MCPH1: variants seen among roughly 807,000 people sequenced by gnomAD.
MCPH1 encodes microcephalin.
In MCPH1, 104 loss-of-function variants were observed where a neutral mutation model predicts 84.5. That is an observed-to-expected ratio of 1.23 (90% CI 1.05 to 1.45). The LOEUF is 1.45. MCPH1 is among the 40% of genes most tolerant of loss of function. MCPH1 has a pLI of 0.00. For synonymous variants in MCPH1, 514 were observed against 366.8 expected (o/e 1.40, Z -4.58); for missense variants, 1,498 against 1,005.7 (o/e 1.49, Z -6.62).
intron 12 of MCPH1, among the ~76,000 whole-genome samples, chr8:6,569,374 G>A (rs1394567972): frequency 6.6e-6 from 1 of 152,142 alleles, no homozygotes; most frequent in East Asian, 1.9e-4. Flanking sequence ...GCAGTCTAGA[G>A]CCATTTTGCA....
At chr8:6,595,636 C>T (rs1190701794) in intron 12 of MCPH1, among the ~76,000 whole-genome samples, 1 of 152,122 alleles carries the variant, frequency 6.6e-6, no homozygotes, top group African/African-American at 2.4e-5. Context: ...TTCAGAGCAT[C>T]GTTCCAGCTG....
At chr8:6,565,218 T>A (rs968548605) in intron 12 of MCPH1, among the ~76,000 whole-genome samples, 2 of 152,216 alleles carry the variant, frequency 1.3e-5, no homozygotes, top group Non-Finnish European at 2.9e-5. Flanking sequence ...AGGATTAAGA[T>A]ATAATTGTAT....
intron 11 of MCPH1, among the ~76,000 whole-genome samples, chr8:6,496,363 A>G (rs1398938248): frequency 1.3e-5 from 2 of 152,150 alleles, no homozygotes; most frequent in African/African-American, 4.8e-5. Flanking sequence ...GGCTGTAAAT[A>G]CAGATGAGGC....
chr8:6,500,161 C>G lies in MCPH1; in HGVS notation c.2214+232C>G. 5.8e-6 allele frequency: 3 copies of G among 521,574 alleles called. No individual in the cohort carries two copies. In the South Asian group the frequency reaches 6.3e-5, roughly 11 times the overall value. The allele number at this position is 521,574 out of a possible 1,614,324, so 32.3% of individuals were successfully genotyped here. ...GGAATGCAGTCCAAAGAAAATTTGA[C>G]GATTAACATCCTCAGAACTGAGAAA... On this transcript the variant is annotated intron_variant, in intron 12 of 13. Transcript: ENST00000344683.
chr8:6,461,606 C>T (rs1444350113), intron 9 of MCPH1, among the ~76,000 whole-genome samples: 2 of 152,044 alleles, frequency 1.3e-5, no homozygotes, highest in East Asian at 3.9e-4. Flanking sequence ...TCCCAAAGTG[C>T]TGGGATTACA....
chr8:6,467,381 A>G (rs950746460), intron 9 of MCPH1, among the ~76,000 whole-genome samples: 1 of 152,162 alleles, frequency 6.6e-6, no homozygotes, highest in African/African-American at 2.4e-5. Flanking sequence ...ATTTTAAAGT[A>G]TATTTGCTAT....
chr8:6,514,226 G>A (rs1003548614), intron 12 of MCPH1, among the ~76,000 whole-genome samples: 3 of 152,316 alleles, frequency 2.0e-5, no homozygotes, highest in Middle Eastern at 6.8e-3. Context: ...GTCTTACTCT[G>A]TTGCCCAGGC....
chr8:6,576,488 C>T (rs1158803872), intron 12 of MCPH1, among the ~76,000 whole-genome samples: 2 of 139,314 alleles, frequency 1.4e-5, no homozygotes, highest in Non-Finnish European at 3.1e-5. Context: ...TTCCCGTTTC[C>T]TTTTCCCTTT....
intron 12 of MCPH1, among the ~76,000 whole-genome samples, chr8:6,509,980 A>G (rs766499733): frequency 2.0e-5 from 3 of 152,118 alleles, no homozygotes; most frequent in African/African-American, 4.8e-5. Context: ...CCAAATTTAA[A>G]TCCCAAAGTG....
intron 12 of MCPH1, among the ~76,000 whole-genome samples, chr8:6,542,618 T>C (rs1210782974): frequency 6.6e-6 from 1 of 151,908 alleles, no homozygotes; most frequent in African/African-American, 2.4e-5. Context: ...AAAAGTGCTG[T>C]CTGAGGAGCA....
intron 3 of MCPH1, among the ~76,000 whole-genome samples, chr8:6,430,604 G>T (rs1200757949): frequency 6.6e-6 from 1 of 152,140 alleles, no homozygotes. Context: ...ATGGATATGT[G>T]TTTTTTATTG....
chr8:6,446,954 A>G lies in MCPH1; in HGVS notation c.1825+1407A>G, dbSNP rs3021380. On this transcript the variant is annotated intron_variant, in intron 8 of 13. Transcript: ENST00000344683. ...GGGCCAGCACTAGTTGACTCAAGGCACCCTGGTGGGGACGGAGAGGTTTTT... is the reference window on the plus strand; with the variant it reads ...GGGCCAGCACTAGTTGACTCAAGGCGCCCTGGTGGGGACGGAGAGGTTTTT... The G allele has an allele frequency of 9.7e-3, 9,568 of 985,250 alleles. 504 individuals carry two copies. The African/African-American group carries it at 0.12, about 13-fold the overall frequency. The allele number at this position is 985,250 out of a possible 1,614,324, so 61.0% of individuals were successfully genotyped here. A position where few individuals can be genotyped will look rare whatever the true frequency, so the allele number is the denominator to read the frequency against.
chr8:6,488,228 T>C (rs1563276841), intron 11 of MCPH1, among the ~76,000 whole-genome samples: 2 of 152,224 alleles, frequency 1.3e-5, no homozygotes, highest in East Asian at 1.9e-4. Flanking sequence ...CCCTGTCTGC[T>C]GCTCCTGGCA....
intron 12 of MCPH1, among the ~76,000 whole-genome samples, chr8:6,522,295 C>T (rs1281220836): frequency 1.3e-5 from 2 of 151,732 alleles, no homozygotes; most frequent in Non-Finnish European, 2.9e-5. Context: ...GCGGAGCTTG[C>T]AGTGAGCTGA....
chr8:6,501,410 A>T (rs1477746404), intron 12 of MCPH1: 2 of 152,210 alleles, frequency 1.3e-5, no homozygotes, highest in African/African-American at 4.8e-5. Flanking sequence ...TATATGAGAA[A>T]TTGCCTTTAA....
At chr8:6,595,138 T>C (rs1252209284) in intron 12 of MCPH1, among the ~76,000 whole-genome samples, 1 of 152,144 alleles carries the variant, frequency 6.6e-6, no homozygotes, top group African/African-American at 2.4e-5. Context: ...CAGAGATGAT[T>C]GATTGATTCA....
intron 12 of MCPH1, among the ~76,000 whole-genome samples, chr8:6,517,373 C>T (rs1235633807): frequency 1.3e-5 from 2 of 152,140 alleles, no homozygotes; most frequent in African/African-American, 2.4e-5. Context: ...TAGAGACAAC[C>T]GTTAGGAGTC....
chr8:6,636,410 G>C (rs1204011204), intron 13 of MCPH1, among the ~76,000 whole-genome samples: 1 of 151,836 alleles, frequency 6.6e-6, no homozygotes, highest in Non-Finnish European at 1.5e-5. Flanking sequence ...ACATGGGGGT[G>C]AGGGCTGAGA....
chr8:6,611,517 G>A (rs1414849120), intron 12 of MCPH1, among the ~76,000 whole-genome samples: 5 of 152,230 alleles, frequency 3.3e-5, no homozygotes, highest in Admixed American at 1.3e-4. Flanking sequence ...CCGGGGCCGG[G>A]GAGCAGGGCA....
Sources: allele counts gnomAD v4.1 joint callset (sites outside exome capture counted in the v4.1 genomes callset), GRCh38; gene constraint gnomAD v4.1.1; transcripts MANE v1.5; gene names NCBI Gene and HGNC (gene_info 2026-07-23, HGNC 2026-07-21).